SCN2A: variants seen among roughly 807,000 people sequenced by gnomAD.
SCN2A encodes the protein sodium channel protein type 2 subunit alpha.
SCN2A carries 20 observed loss-of-function variants against 188.7 expected under a neutral mutation model. The observed-to-expected ratio is 0.11, with a 90% confidence interval of 0.07 to 0.15. SCN2A has a LOEUF of 0.15. SCN2A is among the 10% of genes least tolerant of loss of function. The pLI, the probability that SCN2A is intolerant of heterozygous loss-of-function variation, is 1.00. For synonymous variants in SCN2A, 804 were observed against 833.1 expected, an observed-to-expected ratio of 0.97 and a Z score of 0.60; for missense variants, 1,278 against 2,445.0, an observed-to-expected ratio of 0.52 and a Z score of 10.07.
At chr2:165,269,870 A>C (rs1399374053) in intron 1 of SCN2A, 1 of 151,990 alleles carries the variant, frequency 6.6e-6, no homozygotes, top group African/African-American at 2.4e-5. Flanking sequence ...TTCTGAAAAC[A>C]ACCAACACAA....
At chr2:165,311,625 A>G (rs1187216886) in intron 7 of SCN2A, among the ~76,000 whole-genome samples, 2 of 152,088 alleles carry the variant, frequency 1.3e-5, no homozygotes, top group African/African-American at 4.8e-5. Context: ...AGAAAAGTAT[A>G]TGTAAGGTAA....
At chr2:165,291,345 G>GTCATTCCT (rs1439152285) in intron 1 of SCN2A, among the ~76,000 whole-genome samples, 10 of 102,682 alleles carry the variant, frequency 9.7e-5, no homozygotes, top group African/African-American at 3.4e-4. Context: ...GGACTTGTCT[G>GTCATTCCT]TCGTTCGTTC....
At chr2:165,304,944 G>T (rs1697037204) in intron 3 of SCN2A, among the ~76,000 whole-genome samples, 1 of 152,186 alleles carries the variant, frequency 6.6e-6, no homozygotes, top group African/African-American at 2.4e-5. Flanking sequence ...TGTTAGCACA[G>T]TATGCAGAAT....
chr2:165,374,148 C>T (rs1307032045), intron 21 of SCN2A, among the ~76,000 whole-genome samples: 1 of 150,630 alleles, frequency 6.6e-6, no homozygotes, highest in African/African-American at 2.4e-5. Context: ...TGCATGGTTA[C>T]ATAGAAAAGT....
intron 25 of SCN2A, among the ~76,000 whole-genome samples, chr2:165,385,496 T>G (rs562269035): frequency 6.6e-6 from 1 of 152,326 alleles, no homozygotes; most frequent in African/African-American, 2.4e-5. Context: ...ATATTTCCAT[T>G]GTGACTTTTT....
intron 26 of SCN2A, 124 bp downstream of exon 26, chr2:165,387,140 G>A: frequency 9.9e-7 from 1 of 1,011,484 alleles, no homozygotes; most frequent in Non-Finnish European, 1.5e-6. Context: ...AAATCTAATA[G>A]TCCATTGTTT....
At chr2:165,329,121 G>T (rs1698534824) in intron 13 of SCN2A, among the ~76,000 whole-genome samples, 1 of 151,388 alleles carries the variant, frequency 6.6e-6, no homozygotes, top group South Asian at 2.1e-4. Context: ...TATGAACCAG[G>T]CTTGTTGATC....
intron 1 of SCN2A, among the ~76,000 whole-genome samples, chr2:165,245,676 A>G (rs1386731351): frequency 6.6e-6 from 1 of 152,192 alleles, no homozygotes; most frequent in Non-Finnish European, 1.5e-5. Context: ...CAGGGTGACC[A>G]TAAAATGTGT....
intron 13 of SCN2A, chr2:165,327,335 T>A: frequency 4.0e-6 from 1 of 248,238 alleles, no homozygotes; most frequent in Non-Finnish European, 8.0e-6. Context: ...ATTAACTGCT[T>A]GAGACACAAG....
rs73969351 is a variant in SCN2A, at chr2:165,310,776, A to T, written c.970+181A>T. 732 of 387,410 alleles carry T rather than the reference A, an allele frequency of 1.9e-3. 5 individuals carry two copies. The highest frequency in any genetic ancestry group is 0.014 in the African/African-American group (654 of 47,870). The allele number at this position is 387,410 out of a possible 1,614,324, so 24.0% of individuals were successfully genotyped here. On this transcript the variant is annotated intron_variant, in intron 7 of 26. Coordinates refer to ENST00000375437, the MANE Select transcript of SCN2A (RefSeq NM_001040142.2). ...TTCTATTTTTCTTATCTGTCCATTGATATAGTAAAAGTTCTCATTTGAAAA... is the reference window on the plus strand; with the variant it reads ...TTCTATTTTTCTTATCTGTCCATTGTTATAGTAAAAGTTCTCATTTGAAAA...
chr2:165,318,966 T>A (rs1226923345), intron 11 of SCN2A, among the ~76,000 whole-genome samples: 3 of 152,192 alleles, frequency 2.0e-5, no homozygotes, highest in Non-Finnish European at 2.9e-5. Context: ...ATGTTACTAA[T>A]GTAGTTAATA....
intron 1 of SCN2A, among the ~76,000 whole-genome samples, chr2:165,277,212 T>C (rs2106114692): frequency 6.6e-6 from 1 of 152,342 alleles, no homozygotes; most frequent in South Asian, 2.1e-4. Context: ...GCATCCTTAC[T>C]GCAGTATCTG....
chr2:165,263,666 C>A (rs995671450), intron 1 of SCN2A, among the ~76,000 whole-genome samples: 13 of 151,966 alleles, frequency 8.6e-5, no homozygotes, highest in Non-Finnish European at 1.3e-4. Flanking sequence ...CAAATTTGTT[C>A]TTTCTGTTTA....
chr2:165,314,195 A>G (rs952791929), intron 10 of SCN2A, 87 bp downstream of exon 10: 3 of 1,351,426 alleles, frequency 2.2e-6, no homozygotes, highest in Admixed American at 2.0e-5. Context: ...GGTAGTTGAC[A>G]TTAGAAATAG....
At chr2:165,303,506 ACCT>A (rs1280727119) in intron 3 of SCN2A, among the ~76,000 whole-genome samples, 1 of 151,366 alleles carries the variant, frequency 6.6e-6, no homozygotes, top group African/African-American at 2.4e-5. Context: ...CGATCTCCTG[ACCT>A]CGTGATCCGC....
chr2:165,347,273 T>C (rs1699645125), intron 16 of SCN2A, among the ~76,000 whole-genome samples: 1 of 151,114 alleles, frequency 6.6e-6, no homozygotes, highest in South Asian at 2.1e-4. Context: ...TAAAAAAGAG[T>C]GAGTTCATGT....
intron 23 of SCN2A, among the ~76,000 whole-genome samples, chr2:165,379,017 TTAAA>T (rs1701459259): frequency 6.6e-6 from 1 of 151,780 alleles, no homozygotes; most frequent in East Asian, 1.9e-4. Flanking sequence ...AAAAAAATAG[TTAAA>T]TAATCCTTTA....
chr2:165,274,376 AAAG>A (rs1695239462), intron 1 of SCN2A: 1 of 151,420 alleles, frequency 6.6e-6, no homozygotes, highest in Non-Finnish European at 1.5e-5. Context: ...AAAAAAAAAA[AAAG>A]AAAGGAAGGA....
At chr2:165,353,511 G>A (rs1700033624) in intron 16 of SCN2A, among the ~76,000 whole-genome samples, 1 of 152,132 alleles carries the variant, frequency 6.6e-6, no homozygotes. Context: ...ATAAATACCT[G>A]AGACTGGGTA....
Sources: allele counts gnomAD v4.1 joint callset (sites outside exome capture counted in the v4.1 genomes callset), GRCh38; gene constraint gnomAD v4.1.1; transcripts MANE v1.5; gene names NCBI Gene and HGNC (gene_info 2026-07-23, HGNC 2026-07-21).